Variants in ERMP1 observed in about 807,000 individuals in gnomAD.
ERMP1 encodes the protein endoplasmic reticulum metallopeptidase 1.
A neutral mutation model predicts 92.0 loss-of-function variants in ERMP1; 86 were observed. That is an observed-to-expected ratio of 0.93 (90% CI 0.79 to 1.12). The LOEUF (loss-of-function observed/expected upper bound fraction) is 1.12. ERMP1 is among the 50% of genes most tolerant of loss of function. The pLI is 0.00. For synonymous variants in ERMP1, 530 were observed against 412.8 expected, an observed-to-expected ratio of 1.28 and a Z score of -3.44; for missense variants, 1,342 against 1,116.3, an observed-to-expected ratio of 1.20 and a Z score of -2.88.
chr9:5,805,720 A>C lies in ERMP1; in HGVS notation c.1614T>G (p.Phe538Leu), dbSNP rs752996649. 6.2e-7 allele frequency: 1 copy of C among 1,613,512 alleles called. No individual in the cohort carries two copies. Among genetic ancestry groups the C allele is most frequent in the Non-Finnish European group, 8.5e-7 (1 of 1,179,804 alleles). The stretch of plus-strand genomic sequence containing the variant: ...GTCCTTGGTAAGTGAGGGTAACAAG[A>C]AAACAGCAATGGACAAACAGCGAAA... ...FDISLFVHCC[F>L]LVTLTYQGLC... Residue 538 changes from phenylalanine (F) to leucine (L), a missense_variant, in exon 9 of 15, where the codon TTT becomes TTG. Transcript: ENST00000339450.
intron 8 of ERMP1, among the ~76,000 whole-genome samples, chr9:5,808,029 T>C (rs774570174): frequency 2.0e-5 from 3 of 152,180 alleles, no homozygotes; most frequent in Non-Finnish European, 4.4e-5. Context: ...TCACTTATAT[T>C]GCCCAGGCTG....
intron 5 of ERMP1, among the ~76,000 whole-genome samples, chr9:5,862,785 A>T (rs1377738804): frequency 6.6e-6 from 1 of 152,222 alleles, no homozygotes; most frequent in Non-Finnish European, 1.5e-5. Flanking sequence ...TCTCATTCCA[A>T]AGGAGTGTCT....
chr9:5,820,665 G>A (rs1372927397), intron 4 of ERMP1, among the ~76,000 whole-genome samples: 1 of 152,200 alleles, frequency 6.6e-6, no homozygotes. Context: ...TGACAAGGGA[G>A]TTCCAGAGCA....
chr9:5,846,457 G>C (rs1419676127), intron 6 of ERMP1, among the ~76,000 whole-genome samples: 1 of 152,162 alleles, frequency 6.6e-6, no homozygotes, highest in Non-Finnish European at 1.5e-5. Flanking sequence ...CATTTCACAG[G>C]GTTACCCTGA....
At chr9:5,809,415 T>G (rs1037398589) in intron 8 of ERMP1, among the ~76,000 whole-genome samples, 3 of 152,242 alleles carry the variant, frequency 2.0e-5, no homozygotes, top group African/African-American at 7.2e-5. Flanking sequence ...TTTGGAACCC[T>G]ATTTCCCTTC....
intron 2 of ERMP1, among the ~76,000 whole-genome samples, chr9:5,828,347 C>T (rs1315754748): frequency 2.0e-5 from 3 of 152,170 alleles, no homozygotes; most frequent in East Asian, 3.8e-4. Context: ...AAGCTCTCTG[C>T]CCTCCCCTTG....
intron 6 of ERMP1, among the ~76,000 whole-genome samples, chr9:5,843,529 C>A (rs1830192605): frequency 6.6e-6 from 1 of 152,074 alleles, no homozygotes; most frequent in Non-Finnish European, 1.5e-5. Context: ...ATTCTTATCT[C>A]CAGATTTGGG....
intron 4 of ERMP1, among the ~76,000 whole-genome samples, chr9:5,816,386 A>G (rs1210205132): frequency 2.6e-5 from 4 of 152,112 alleles, no homozygotes; most frequent in Non-Finnish European, 5.9e-5. Flanking sequence ...AATTGACATG[A>G]TTTTTCTCTT....
chr9:5,837,494 T>C (rs1830108265), upstream of ERMP1, among the ~76,000 whole-genome samples: 1 of 152,030 alleles, frequency 6.6e-6, no homozygotes, highest in Non-Finnish European at 1.5e-5. Context: ...GTGGAAGATA[T>C]CATAAAGGGA....
At chr9:5,798,085 T>A (rs1480108569) in intron 12 of ERMP1, among the ~76,000 whole-genome samples, 153 bp from the exon 13 acceptor site, 1 of 152,218 alleles carries the variant, frequency 6.6e-6, no homozygotes, top group African/African-American at 2.4e-5. Context: ...AAATTTAGGT[T>A]ATTTTGTAAT....
At chr9:5,853,761 A>T (rs1830338127) in intron 6 of ERMP1, among the ~76,000 whole-genome samples, 2 of 150,284 alleles carry the variant, frequency 1.3e-5, no homozygotes, top group African/African-American at 4.9e-5. Context: ...AACAGATCCC[A>T]GGTCTTTGCC....
chr9:5,815,352 A>C (rs972601), intron 4 of ERMP1, among the ~76,000 whole-genome samples: 48,245 of 151,812 alleles, frequency 0.32, 8,497 homozygotes, highest in East Asian at 0.58. Flanking sequence ...TAAGAAAGTG[A>C]TCAAAAAGAC....
upstream of ERMP1, chr9:5,833,190 T>A: frequency 1.6e-6 from 1 of 630,404 alleles, no homozygotes; most frequent in Non-Finnish European, 2.5e-6. Context: ...AGACCCAGCT[T>A]CTTTGGCAGT....
chr9:5,805,888 G>T, intron 8 of ERMP1, 103 bp from the exon 9 acceptor site: 1 of 888,086 alleles, frequency 1.1e-6, no homozygotes, highest in Non-Finnish European at 1.7e-6. Flanking sequence ...GCTACATTTT[G>T]TTTTAAACAC....
chr9:5,796,114 T>C (rs1341464013), intron 13 of ERMP1, among the ~76,000 whole-genome samples: 1 of 152,222 alleles, frequency 6.6e-6, no homozygotes, highest in Non-Finnish European at 1.5e-5. Context: ...AAAGCCATTA[T>C]TGTTAAAATA....
intron 4 of ERMP1, among the ~76,000 whole-genome samples, chr9:5,817,015 C>T (rs552819054): frequency 1.3e-5 from 2 of 151,944 alleles, no homozygotes; most frequent in East Asian, 3.9e-4. Context: ...TCTCCTGCCT[C>T]AGCCTCCCAA....
At chr9:5,796,610 G>T (rs898174625) in intron 13 of ERMP1, among the ~76,000 whole-genome samples, 1 of 152,164 alleles carries the variant, frequency 6.6e-6, no homozygotes, top group Non-Finnish European at 1.5e-5. Flanking sequence ...ACTTCTAAGT[G>T]AAAGAAGTCA....
chr9:5,863,340 C>G (rs1830557680), intron 5 of ERMP1, among the ~76,000 whole-genome samples: 1 of 152,182 alleles, frequency 6.6e-6, no homozygotes, highest in South Asian at 2.1e-4. Flanking sequence ...TTTGGCATAT[C>G]CCAAGGACTC....
Position 5,797,857 on chromosome 9 carries a change from C to G in ERMP1, c.2346G>C (p.Gln782His), listed in dbSNP as rs748414672. 4 of 1,613,334 alleles carry G rather than the reference C, an allele frequency of 2.5e-6. No homozygotes were observed. The highest frequency in any genetic ancestry group is 4.5e-5 in the East Asian group (2 of 44,856). The change falls in exon 13 of 15, where the codon CAG becomes CAC. Residue 782 changes from glutamine to histidine, a missense_variant. Physicochemically the swap from Gln to His is conservative, Grantham distance 24. Coordinates refer to ENST00000339450, the MANE Select transcript of ERMP1 (RefSeq NM_024896.3). ...TCAATTTTATAGAATCCCAAGGTGTCTGTTCTTTGGATATGAGTCGGAAAT... is the reference window on the plus strand; with the variant it reads ...TCAATTTTATAGAATCCCAAGGTGTGTGTTCTTTGGATATGAGTCGGAAAT... ...PPHFRLISKE[Q>H]TPWDSIKLTF...
Sources: gnomAD v4.1 joint callset for allele counts (sites outside exome capture counted in the v4.1 genomes callset) on GRCh38, gnomAD v4.1.1 for gene constraint, MANE v1.5 for transcripts, NCBI Gene and HGNC (gene_info 2026-07-23, HGNC 2026-07-21) for gene names.